BHMT: variants seen among roughly 807,000 people sequenced by gnomAD.
BHMT encodes the protein betaine--homocysteine S-methyltransferase.
Under a neutral mutation model 49.5 loss-of-function variants are expected in BHMT, and 38 were observed. The ratio of observed to expected loss-of-function variants is 0.77; its 90% confidence interval spans 0.59 to 1.01. The LOEUF is 1.01. Ranked by LOEUF, BHMT falls within the 50% of genes least tolerant of loss-of-function variation. BHMT has a pLI of 0.00. For synonymous variants in BHMT, 166 were observed against 176.3 expected (o/e 0.94, Z 0.46); for missense variants, 426 against 495.7 (o/e 0.86, Z 1.34).
At chr5:79,120,181 T>A in intron 3 of BHMT, 169 bp from the exon 4 acceptor site, 1 of 578,206 alleles carries the variant, frequency 1.7e-6, no homozygotes, top group South Asian at 3.0e-5. Flanking sequence ...TTAGTGTTAT[T>A]GTTATGGCAA....
At chr5:79,127,313 T>C (rs1338688955) in intron 6 of BHMT, among the ~76,000 whole-genome samples, 4 of 152,210 alleles carry the variant, frequency 2.6e-5, no homozygotes, top group African/African-American at 9.7e-5. Flanking sequence ...CCTCAGCTCA[T>C]GGGCCTTTTC....
rs548419184 is a variant in BHMT, at chr5:79,129,300, G to A, written c.1037+1317G>A. Among the ~76,000 whole-genome samples the A allele has an allele frequency of 2.4e-4, 36 of 152,306 alleles. No homozygotes were observed. In the South Asian group the frequency reaches 2.7e-3, roughly 11 times the overall value. ...CAGGGTCTGAGCTAATGTCCCAAGG[G>A]GCAAAAGGCAGAGAGAGGGTGAATG... On this transcript the variant is annotated intron_variant, in intron 7 of 7. Coordinates refer to ENST00000274353, the MANE Select transcript of BHMT (RefSeq NM_001713.3).
chr5:79,111,989 C>T, intron 1 of BHMT, 71 bp downstream of exon 1: 1 of 1,449,958 alleles, frequency 6.9e-7, no homozygotes. Context: ...CCTCTGGGAG[C>T]GCAGAGGGGC....
intron 2 of BHMT, 48 bp from the exon 3 acceptor site, chr5:79,119,211 C>A: frequency 1.5e-6 from 2 of 1,375,552 alleles, no homozygotes; most frequent in Middle Eastern, 1.8e-4. Flanking sequence ...TTGAAAATAT[C>A]GTGTGTTAAT....
At chr5:79,125,749 T>C (rs950247669) in intron 5 of BHMT, among the ~76,000 whole-genome samples, 2 of 151,770 alleles carry the variant, frequency 1.3e-5, no homozygotes, top group Non-Finnish European at 1.5e-5. Flanking sequence ...CTGGGCAACA[T>C]GGCGAAACCC....
In BHMT at chr5:79,131,043, T is replaced by TG; in HGVS notation, c.1149dup (p.Gln384AlafsTer8). 2.5e-6 allele frequency: 4 copies of TG among 1,613,948 alleles called. No individual in the cohort carries two copies. Among genetic ancestry groups the TG allele is most frequent in the Non-Finnish European group, 3.4e-6 (4 of 1,179,970 alleles). ...GTGACCAAAGGAACAGCCGAGCTGA[T>TG]GCAGCAGAAAGAAGCCACAACTGAG... On this transcript the variant is annotated frameshift_variant, in exon 8 of 8. Transcript: ENST00000274353. LOFTEE classifies it high-confidence loss of function.
In BHMT at chr5:79,119,311, C is replaced by A; in HGVS notation, c.219C>A (p.Thr73=). 6.2e-7 allele frequency: 1 copy of A among 1,614,086 alleles called. No individual in the cohort carries two copies. Among genetic ancestry groups the A allele is most frequent in the South Asian group, 1.1e-5 (1 of 91,064 alleles). ...FLRAGSNVMQ[T]FTFYASEDKL... is the part of the protein sequence containing the mutation. Reference sequence around the variant, plus strand: ...GAGCTGGCTCAAACGTCATGCAGACCTTCACCTTCTATGCGAGTGAAGACA... The same window carrying A: ...GAGCTGGCTCAAACGTCATGCAGACATTCACCTTCTATGCGAGTGAAGACA... Residue 73 remains threonine (T), a synonymous_variant, in exon 3 of 8, where the codon ACC becomes ACA. Coordinates refer to ENST00000274353, the MANE Select transcript of BHMT (RefSeq NM_001713.3).
intron 7 of BHMT, among the ~76,000 whole-genome samples, chr5:79,130,087 T>C (rs961101819): frequency 3.9e-5 from 6 of 152,060 alleles, no homozygotes; most frequent in African/African-American, 1.2e-4. Context: ...GGCAGAAGAA[T>C]CACTTGAACC....
At chr5:79,125,329 G>A (rs538057590) in intron 5 of BHMT, among the ~76,000 whole-genome samples, 19 of 151,880 alleles carry the variant, frequency 1.3e-4, no homozygotes, top group African/African-American at 2.9e-4. Flanking sequence ...GGTGGTGTGC[G>A]CCTATAGTCC....
At chr5:79,121,904 A>G (rs1347756094) in intron 5 of BHMT, among the ~76,000 whole-genome samples, 1 of 151,814 alleles carries the variant, frequency 6.6e-6, no homozygotes, top group East Asian at 1.9e-4. Context: ...ATACATTTAG[A>G]AAATGCTGTG....
chr5:79,128,528 TTAAA>T (rs1756589503), intron 7 of BHMT, among the ~76,000 whole-genome samples: 3 of 132,950 alleles, frequency 2.3e-5, no homozygotes, highest in African/African-American at 5.5e-5. Context: ...AGACCCTGTT[TTAAA>T]AAAAAAAAAA....
At position 79,131,112 on chromosome 5, in the gene BHMT, A is replaced by G. The variant is rs767597704; in HGVS notation, c.1217A>G (p.Gln406Arg). ...TTTGAAAAACAAAAATTCAAATCAC[A>G]GTAGCCTCGATAGAAGCTATTTTTG... ...ELFEKQKFKS[Q>R] Residue 406 changes from glutamine to arginine, a missense_variant, in exon 8 of 8, where the codon CAG becomes CGG. Gln to Arg is a conservative substitution (Grantham distance 43, BLOSUM62 1). Transcript: ENST00000274353. 6.2e-7 allele frequency: 1 copy of G among 1,611,746 alleles called. No individual in the cohort carries two copies. Among genetic ancestry groups the G allele is most frequent in the Non-Finnish European group, 8.5e-7 (1 of 1,178,864 alleles).
chr5:79,117,662 A>G (rs572344779), intron 2 of BHMT, among the ~76,000 whole-genome samples: 2 of 152,342 alleles, frequency 1.3e-5, no homozygotes, highest in South Asian at 4.1e-4. Context: ...AGAGATGAGT[A>G]TAGACTCATC....
intron 5 of BHMT, among the ~76,000 whole-genome samples, chr5:79,121,818 A>T (rs1460516020): frequency 4.5e-4 from 6 of 13,464 alleles, no homozygotes; most frequent in African/African-American, 6.6e-4. Flanking sequence ...CCGTCTCAAT[A>T]AAAAAAAAAA....
intron 2 of BHMT, among the ~76,000 whole-genome samples, chr5:79,118,011 G>A (rs1756412434): frequency 6.6e-6 from 1 of 152,128 alleles, no homozygotes; most frequent in Admixed American, 6.5e-5. Flanking sequence ...AACCATTTAA[G>A]TCAGAATATC....
intron 2 of BHMT, 52 bp downstream of exon 2, chr5:79,115,951 C>T: frequency 6.5e-7 from 1 of 1,535,570 alleles, no homozygotes; most frequent in Non-Finnish European, 8.8e-7. Context: ...GGTGTGGAGG[C>T]TCATGCCTGT....
rs1580274413 is a variant in BHMT at position 79,126,373 on chromosome 5, C to A, written c.808+145C>A. ...GTCTTGTCCCTGGTTTCTGTCCCTG[C>A]AGCCAAAAGCCCCTTCGTATTAGAG... is the stretch of plus-strand genomic sequence containing the variant. On this transcript the variant is annotated intron_variant, in intron 6 of 7. Coordinates refer to ENST00000274353, the MANE Select transcript of BHMT (RefSeq NM_001713.3). 1.0e-5 allele frequency: 9 copies of A among 895,524 alleles called. No individual in the cohort carries two copies. The South Asian group carries it at 1.2e-4, about 12-fold the overall frequency. The allele number at this position is 895,524 out of a possible 1,614,324, so 55.5% of individuals were successfully genotyped here.
At chr5:79,121,752 T>C (rs1174118725) in intron 5 of BHMT, among the ~76,000 whole-genome samples, 8 of 148,796 alleles carry the variant, frequency 5.4e-5, no homozygotes, top group Non-Finnish European at 1.0e-4. Context: ...GAGGCGGAGC[T>C]TGCAGTGAGC....
At chr5:79,123,921 G>A (rs529336240) in intron 5 of BHMT, among the ~76,000 whole-genome samples, 1 of 152,248 alleles carries the variant, frequency 6.6e-6, no homozygotes, top group African/African-American at 2.4e-5. Context: ...AAAACAAAAT[G>A]TGGTGTATCC....
Sources: allele counts gnomAD v4.1 joint callset (sites outside exome capture counted in the v4.1 genomes callset), GRCh38; gene constraint gnomAD v4.1.1; transcripts MANE v1.5; gene names NCBI Gene and HGNC (gene_info 2026-07-23, HGNC 2026-07-21).